Variants in DNASE1 observed in about 807,000 individuals in gnomAD.
DNASE1 encodes deoxyribonuclease-1.
In DNASE1, 40 loss-of-function variants were observed where a neutral mutation model predicts 33.9. The ratio of observed to expected loss-of-function variants is 1.18; its 90% confidence interval spans 0.92 to 1.54. DNASE1 has a LOEUF of 1.54. DNASE1 is among the 40% of genes most tolerant of loss of function. The pLI, the probability that DNASE1 is intolerant of heterozygous loss-of-function variation, is 0.00. For missense variants in DNASE1, 518 were observed against 372.6 expected (o/e 1.39, Z -3.21); for synonymous variants, 216 against 160.0 (o/e 1.35, Z -2.64).
intron 1 of DNASE1, among the ~76,000 whole-genome samples, chr16:3,615,080 A>G (rs1038885635): frequency 2.0e-5 from 3 of 151,014 alleles, no homozygotes; most frequent in Non-Finnish European, 4.4e-5. Context: ...TTTTTTTTTA[A>G]TTGGAAAGGC....
chr16:3,647,173 T>G (rs2151199527), intron 1 of DNASE1, among the ~76,000 whole-genome samples: 1 of 152,326 alleles, frequency 6.6e-6, no homozygotes, highest in South Asian at 2.1e-4. Context: ...CATTAACTAA[T>G]GGTTACCTTA....
downstream of DNASE1, chr16:3,660,954 TG>T (rs5815176): frequency 0.36 from 55,062 of 151,448 alleles, 11,459 homozygotes; most frequent in East Asian, 0.55. Context: ...GGCTACATTG[TG>T]GGGGGGGTGG....
intron 1 of DNASE1, among the ~76,000 whole-genome samples, chr16:3,628,527 A>G (rs1473300199): frequency 1.3e-5 from 2 of 151,832 alleles, no homozygotes; most frequent in Non-Finnish European, 2.9e-5. Context: ...ACTATTGAGT[A>G]TGATGTTCAT....
chr16:3,654,946 T>C lies in DNASE1; in HGVS notation c.-100T>C. On this transcript the variant is annotated 5_prime_UTR_variant, in exon 1 of 9. Coordinates refer to ENST00000246949, the MANE Select transcript of DNASE1 (RefSeq NM_005223.4). ...GAGACCTTTCTTCATAGACTACTTT[T>C]TTTTCTTTAAGCAGCAAAAGGAGAA... 2.2e-6 allele frequency: 1 copy of C among 462,166 alleles called. No homozygotes were observed. Among genetic ancestry groups the C allele is most frequent in the Non-Finnish European group, 3.8e-6 (1 of 264,572 alleles). 28.6% of individuals were successfully genotyped at this position (462,166 alleles called of 1,614,324 possible).
At chr16:3,646,843 C>A (rs556227980) in intron 1 of DNASE1, among the ~76,000 whole-genome samples, 1 of 151,972 alleles carries the variant, frequency 6.6e-6, no homozygotes, top group South Asian at 2.1e-4. Context: ...GTGCATGGTG[C>A]GGGCGGGGCT....
downstream of DNASE1, chr16:3,659,030 C>A: frequency 3.0e-6 from 2 of 671,224 alleles, no homozygotes; most frequent in Non-Finnish European, 4.9e-6. Flanking sequence ...CATTATATAC[C>A]CAGAAAACCC....
At chr16:3,634,293 A>G (rs1482888045) in intron 1 of DNASE1, among the ~76,000 whole-genome samples, 1 of 151,388 alleles carries the variant, frequency 6.6e-6, no homozygotes, top group Non-Finnish European at 1.5e-5. Flanking sequence ...CAGTGGCGCA[A>G]TCTGGGCTCA....
rs1443956359 is a variant in DNASE1, at chr16:3,657,096, G to A, written c.534G>A (p.Glu178=). 1.9e-6 allele frequency: 3 copies of A among 1,614,136 alleles called. No individual in the cohort carries two copies. In the South Asian group the frequency reaches 3.3e-5, roughly 18 times the overall value. ...ALYDVYLDVQ[E]KWGLEDVMLM... ...ATGACGTCTACCTGGATGTCCAAGA[G>A]AAATGGGGCTTGGAGGTGAGGCCCT... is the stretch of plus-strand genomic sequence containing the variant. The change falls in exon 6 of 9, where the codon GAG becomes GAA. Residue 178 remains glutamate (E), a synonymous_variant. Transcript: ENST00000246949.
rs945564930 is a variant in DNASE1, at chr16:3,655,399, C to T, written c.26C>T (p.Ala9Val). 32 of 1,613,970 alleles carry T rather than the reference C, an allele frequency of 2.0e-5. No individual in the cohort carries two copies. Among genetic ancestry groups the T allele is most frequent in the Admixed American group, 1.3e-4 (8 of 60,008 alleles). The change falls in exon 2 of 9, where the codon GCG (alanine) becomes GTG (valine). Residue 9 changes from alanine to valine, a missense_variant. Coordinates refer to ENST00000246949, the MANE Select transcript of DNASE1 (RefSeq NM_005223.4). ...ATGAGGGGCATGAAGCTGCTGGGGG[C>T]GCTGCTGGCACTGGCGGCCCTACTG... MRGMKLLG[A>V]LLALAALLQG... is the part of the protein sequence containing the mutation.
rs541240491 is a variant in DNASE1, at chr16:3,663,725, T to A, written c.*5772T>A. The A allele has an allele frequency of 1.6e-5, 13 of 806,002 alleles. No individual in the cohort carries two copies. The East Asian group carries it at 3.0e-4, about 18-fold the overall frequency. 49.9% of individuals were successfully genotyped at this position (806,002 alleles called of 1,614,324 possible). A position where few individuals can be genotyped will look rare whatever the true frequency, so the allele number is the denominator to read the frequency against. Reference sequence around the variant, plus strand: ...CCTGCATGACAGTTACTACGACACCTGGGTCTAAGGAAGGCTCTGACTGCC... The same window carrying A: ...CCTGCATGACAGTTACTACGACACCAGGGTCTAAGGAAGGCTCTGACTGCC... On this transcript the variant is annotated 3_prime_UTR_variant, in exon 10 of 10. Coordinates refer to the DNASE1 transcript ENST00000407479.
At chr16:3,627,556 T>C (rs2151171686) in intron 1 of DNASE1, among the ~76,000 whole-genome samples, 1 of 152,300 alleles carries the variant, frequency 6.6e-6, no homozygotes, top group East Asian at 1.9e-4. Flanking sequence ...CATGAGCCAG[T>C]GCACCTGGCT....
rs890285837 is a variant in DNASE1 at position 3,657,468 on chromosome 16, A to T, written c.704+127A>T. On this transcript the variant is annotated intron_variant, in intron 7 of 8. Coordinates refer to ENST00000246949, the MANE Select transcript of DNASE1 (RefSeq NM_005223.4). ...CCAACTGAGCTTCAGTTGATCCACT[A>T]CAGGGAACAGAATAACAAGAGCCAC... 4 of 1,351,390 alleles carry T rather than the reference A, an allele frequency of 3.0e-6. No homozygotes were observed. The African/African-American group carries it at 5.8e-5, about 20-fold the overall frequency. The allele number at this position is 1,351,390 out of a possible 1,614,324, so 83.7% of individuals were successfully genotyped here. A position where few individuals can be genotyped will look rare whatever the true frequency, so the allele number is the denominator to read the frequency against.
chr16:3,613,324 A>T (rs1156454235), intron 1 of DNASE1, among the ~76,000 whole-genome samples: 1 of 152,264 alleles, frequency 6.6e-6, no homozygotes, highest in Non-Finnish European at 1.5e-5. Flanking sequence ...TCATGGCTGC[A>T]TAATCACGTG....
chr16:3,629,128 C>T (rs1247656838), intron 1 of DNASE1, among the ~76,000 whole-genome samples: 4 of 144,590 alleles, frequency 2.8e-5, no homozygotes, highest in East Asian at 2.1e-4. Context: ...GCCGAGATTG[C>T]GCCACTGCAC....
At chr16:3,662,788 GAC>G (rs2043161717), downstream of DNASE1, 1 of 1,181,738 alleles carries the variant, frequency 8.5e-7, no homozygotes. Flanking sequence ...CTGCTGGAAG[GAC>G]ACCCAACGGG....
At chr16:3,647,248 G>T (rs1002761383) in intron 1 of DNASE1, among the ~76,000 whole-genome samples, 2 of 150,398 alleles carry the variant, frequency 1.3e-5, no homozygotes, top group Non-Finnish European at 3.0e-5. Flanking sequence ...AGAATTGTAA[G>T]AACTAATCAT....
intron 1 of DNASE1, among the ~76,000 whole-genome samples, chr16:3,615,123 C>G (rs2041054644): frequency 6.6e-6 from 1 of 151,834 alleles, no homozygotes; most frequent in Admixed American, 6.6e-5. Flanking sequence ...CTGAATAAAT[C>G]TTTCAACCTG....
chr16:3,643,167 G>C (rs1466086428), intron 1 of DNASE1: 2 of 153,184 alleles, frequency 1.3e-5, no homozygotes, highest in Admixed American at 6.5e-5. Flanking sequence ...ATATCCTGGG[G>C]CTGGGAGACC....
At chr16:3,654,163 C>A (rs2042450397), upstream of DNASE1, 2 of 393,764 alleles carry the variant, frequency 5.1e-6, no homozygotes, top group Middle Eastern at 6.3e-4. Flanking sequence ...GGACCTGAGG[C>A]CTGGCCTTTA....
Sources: allele counts gnomAD v4.1 joint callset (sites outside exome capture counted in the v4.1 genomes callset), GRCh38; gene constraint gnomAD v4.1.1; transcripts MANE v1.5; gene names NCBI Gene and HGNC (gene_info 2026-07-23, HGNC 2026-07-21).